Variants in ANHX observed in about 807,000 individuals in gnomAD.
The protein encoded by ANHX is anomalous homeobox protein.
Under a neutral mutation model 38.9 loss-of-function variants are expected in ANHX, and 20 were observed. The observed-to-expected ratio is 0.51, with a 90% CI of 0.36 to 0.75. The LOEUF (loss-of-function observed/expected upper bound fraction) is 0.75, where lower values mean the gene tolerates loss of function less well. Among genes scored for constraint, ANHX ranks in the 30% least tolerant of loss-of-function variants. ANHX has a pLI of 0.00. For synonymous variants in ANHX, 185 were observed against 203.1 expected, an observed-to-expected ratio of 0.91 and a Z score of 0.76; for missense variants, 475 against 493.1, an observed-to-expected ratio of 0.96 and a Z score of 0.35.
intron 3 of ANHX, among the ~76,000 whole-genome samples, chr12:133,229,494 C>T (rs1957236961): frequency 6.6e-6 from 1 of 152,108 alleles, no homozygotes; most frequent in African/African-American, 2.4e-5. Flanking sequence ...GGCCAAGAGC[C>T]CTGGAGTCTA....
At chr12:133,231,239 T>C (rs1360824874) in intron 3 of ANHX, among the ~76,000 whole-genome samples, 1 of 152,210 alleles carries the variant, frequency 6.6e-6, no homozygotes, top group Non-Finnish European at 1.5e-5. Context: ...CTCCTGGCCT[T>C]AGCCTCAGTC....
At chr12:133,220,073 C>T (rs1466888764) in intron 8 of ANHX, among the ~76,000 whole-genome samples, 8 of 149,058 alleles carry the variant, frequency 5.4e-5, no homozygotes, top group Non-Finnish European at 8.8e-5. Flanking sequence ...GAAGCAGATC[C>T]ATGGTCCTGG....
At position 133,219,614 on chromosome 12, in the gene ANHX, A is replaced by G. The variant is rs1176361916; in HGVS notation, c.1281-247T>C. ...CAGAGGGCTCAGAGCAGGGTCATGG[A>G]AGAGCCAGTGAACAGAAATGTGGAG... On this transcript the variant is annotated intron_variant, in intron 8 of 9. Transcript: ENST00000545940. Among the ~76,000 whole-genome samples, 4 of 152,260 alleles carry G rather than the reference A, an allele frequency of 2.6e-5. No homozygotes were observed. The East Asian group carries it at 7.7e-4, about 29-fold the overall frequency.
In ANHX at chr12:133,220,670, C is replaced by T. The variant is rs928456118; in HGVS notation, c.1280+535G>A. On this transcript the variant is annotated intron_variant, in intron 8 of 9. Coordinates refer to ENST00000545940, the MANE Select transcript of ANHX (RefSeq NM_001372060.1). ...TCTGCTAGAACAGGAGTGGCGGGTG[C>T]GATAGCCTCCCCACCAGAGGACCCC... Among the ~76,000 whole-genome samples, 12 of 151,408 alleles carry T rather than the reference C, an allele frequency of 7.9e-5. No individual in the cohort carries two copies. In the East Asian group the frequency reaches 9.7e-4, roughly 12 times the overall value.
chr12:133,231,201 G>A (rs1957268894), intron 3 of ANHX, among the ~76,000 whole-genome samples: 1 of 152,204 alleles, frequency 6.6e-6, no homozygotes, highest in South Asian at 2.1e-4. Context: ...CTGGGTGGAT[G>A]CTGGGCAGAG....
intron 2 of ANHX, 97 bp from the exon 3 acceptor site, chr12:133,231,741 AG>A: frequency 7.0e-7 from 1 of 1,435,290 alleles, no homozygotes. Flanking sequence ...GCCTTGGGGA[AG>A]GCAGTGATGG....
chr12:133,235,221 G>A (rs1045003170), intron 1 of ANHX: 1 of 152,244 alleles, frequency 6.6e-6, no homozygotes, highest in Non-Finnish European at 1.5e-5. Context: ...TCCCTTGGGG[G>A]AACAGAGCCT....
chr12:133,232,292 T>C (rs1255553308), intron 2 of ANHX, among the ~76,000 whole-genome samples: 2 of 152,262 alleles, frequency 1.3e-5, no homozygotes, highest in Admixed American at 1.3e-4. Context: ...GTGACTCCTG[T>C]GTGGCTCCCA....
At chr12:133,226,742 G>C (rs1408747541) in intron 5 of ANHX, among the ~76,000 whole-genome samples, 194 bp downstream of exon 5, 1 of 152,110 alleles carries the variant, frequency 6.6e-6, no homozygotes, top group African/African-American at 2.4e-5. Flanking sequence ...AAATGCATAG[G>C]GGCAGCCACA....
Position 133,226,457 on chromosome 12 carries a change from G to A in ANHX, c.719-19C>T, listed in dbSNP as rs1001772351. The stretch of plus-strand genomic sequence containing the variant: ...CGTTCCTCTGAAAGTGATGAGATGG[G>A]AGGGGAGACTTAGTGAGGCTCTGGT... On this transcript the variant is annotated intron_variant, in intron 5 of 9. Coordinates refer to ENST00000545940, the MANE Select transcript of ANHX (RefSeq NM_001372060.1). 6.6e-6 allele frequency: 10 copies of A among 1,525,706 alleles called. No individual in the cohort carries two copies. The highest frequency in any genetic ancestry group is 3.4e-4 in the Middle Eastern group (2 of 5,926). 94.5% of individuals were successfully genotyped at this position (1,525,706 alleles called of 1,614,324 possible). A position where few individuals can be genotyped will look rare whatever the true frequency, so the allele number is the denominator to read the frequency against.
chr12:133,219,880 G>A (rs1957085368), intron 8 of ANHX, among the ~76,000 whole-genome samples: 2 of 152,152 alleles, frequency 1.3e-5, no homozygotes, highest in African/African-American at 4.8e-5. Flanking sequence ...AAGAAGCTGT[G>A]GCACATCCAC....
intron 5 of ANHX, 116 bp from the exon 6 acceptor site, chr12:133,226,554 A>T: frequency 7.2e-7 from 1 of 1,383,692 alleles, no homozygotes; most frequent in Admixed American, 2.8e-5. Flanking sequence ...GGGCCATCCC[A>T]ATGTTTTTGC....
chr12:133,234,343 A>G lies in ANHX; in HGVS notation c.14T>C (p.Leu5Pro). The G allele has an allele frequency of 6.5e-7, 1 of 1,535,758 alleles. No homozygotes were observed. Residue 5 changes from leucine (L) to proline (P), a missense_variant, in exon 2 of 10, where the codon CTG becomes CCG. Coordinates refer to ENST00000545940, the MANE Select transcript of ANHX (RefSeq NM_001372060.1). ...GTCCTCATGCTCCTTCAGCAGAGTC[A>G]GGAAGCTCTGCATCCTGTGCTGGGT... MQSFLTLLKEHEDTC... is the reference protein window; with the variant it reads MQSFPTLLKEHEDTC...
Position 133,231,627 on chromosome 12 carries a change from T to A in ANHX, c.267A>T (p.Gly89=). 6.5e-7 allele frequency: 1 copy of A among 1,535,996 alleles called. No homozygotes were observed. Among genetic ancestry groups the A allele is most frequent in the South Asian group, 1.2e-5 (1 of 84,062 alleles). The change falls in exon 3 of 10, where the codon GGA becomes GGT. Residue 89 remains glycine (G), a synonymous_variant. Coordinates refer to ENST00000545940, the MANE Select transcript of ANHX (RefSeq NM_001372060.1). The stretch of plus-strand genomic sequence containing the variant: ...AGAGCTGCACTAACTCCTGGCTGCC[T>A]CCCGGCACCTGGCACCCCTGCCAAG... ...CRLLEGCQVP[G]GSQELVQLWN...
At chr12:133,219,499 C>T (rs1034115695) in intron 8 of ANHX, 132 bp from the exon 9 acceptor site, 13 of 638,022 alleles carry the variant, frequency 2.0e-5, no homozygotes, top group African/African-American at 2.0e-4. Flanking sequence ...AGACTCTCTT[C>T]CTGCAGGGCT....
At chr12:133,219,057 G>C (rs1430183241) in intron 9 of ANHX, 86 bp from the exon 10 acceptor site, 30 of 1,296,116 alleles carry the variant, frequency 2.3e-5, no homozygotes, top group South Asian at 4.2e-5. Context: ...CTGACCTTGG[G>C]AAGACCCCCC....
At chr12:133,228,300 T>C (rs187991364) in intron 3 of ANHX, among the ~76,000 whole-genome samples, 135 of 152,136 alleles carry the variant, frequency 8.9e-4, no homozygotes, top group African/African-American at 3.1e-3. Flanking sequence ...TTCCTCGTAC[T>C]CACACACAGG....
Position 133,234,121 on chromosome 12 carries a change from C to G in ANHX, c.236G>C (p.Cys79Ser). The change falls in exon 2 of 10, where the codon TGC (cysteine) becomes TCC (serine). Residue 79 changes from cysteine (C) to serine (S), a missense_variant. Transcript: ENST00000545940. ...GCCCAGGCCTACCTCCAGGAGGCGG[C>G]AAGCCGCCTGCTGCTGCTCCTGCTG... ...LDQQEQQQAA[C>S]RLLEGCQVPG... 41 of 1,535,666 alleles carry G rather than the reference C, an allele frequency of 2.7e-5. No homozygotes were observed. The highest frequency in any genetic ancestry group is 3.4e-5 in the Non-Finnish European group (39 of 1,146,816).
Position 133,218,971 on chromosome 12 carries a change from C to T in ANHX, c.1366G>A (p.Val456Met), listed in dbSNP as rs910166634. 1.3e-5 allele frequency: 20 copies of T among 1,533,260 alleles called. No individual in the cohort carries two copies. Among genetic ancestry groups the T allele is most frequent in the Non-Finnish European group, 1.7e-5 (20 of 1,145,038 alleles). The allele number at this position is 1,533,260 out of a possible 1,614,324, so 95.0% of individuals were successfully genotyped here. Reference protein sequence around the residue: ...ELSQALPSSQVQCSDSQASGD... With the variant: ...ELSQALPSSQMQCSDSQASGD... ...GAGGCCTGGCTATCAGAACACTGCA[C>T]CTGGAAGACAACACAGTGGTAAACA... Residue 456 changes from valine to methionine, a missense_variant and splice_region_variant, in exon 10 of 10, where the codon GTG (valine) becomes ATG (methionine). By Grantham distance (21) the Val-to-Met change is conservative. Transcript: ENST00000545940.
Sources: gnomAD v4.1 joint callset for allele counts (sites outside exome capture counted in the v4.1 genomes callset) on GRCh38, gnomAD v4.1.1 for gene constraint, MANE v1.5 for transcripts, NCBI Gene and HGNC (gene_info 2026-07-23, HGNC 2026-07-21) for gene names.